RBFOX3: variants seen among roughly 807,000 people sequenced by gnomAD.
The protein encoded by RBFOX3 is RNA binding fox-1 homolog 3, also known as RNA binding protein fox-1 homolog 3.
A neutral mutation model predicts 48.7 loss-of-function variants in RBFOX3; 17 were observed. That is an observed-to-expected ratio of 0.35 (90% confidence interval 0.24 to 0.52). The LOEUF (loss-of-function observed/expected upper bound fraction) is 0.52. Among genes scored for constraint, RBFOX3 ranks in the 20% least tolerant of loss-of-function variants. RBFOX3 has a pLI of 0.94. For missense variants in RBFOX3, 382 were observed against 497.5 expected (o/e 0.77, Z 2.21); for synonymous variants, 212 against 209.5 (o/e 1.01, Z -0.10).
At chr17:79,115,241 G>C (rs888093245) in intron 5 of RBFOX3, among the ~76,000 whole-genome samples, 1 of 152,212 alleles carries the variant, frequency 6.6e-6, no homozygotes. Context: ...CTAGGTGCCC[G>C]GCCATTCCTC....
intron 4 of RBFOX3, among the ~76,000 whole-genome samples, chr17:79,200,853 A>G (rs570262089): frequency 6.6e-6 from 1 of 152,122 alleles, no homozygotes; most frequent in South Asian, 2.1e-4. Flanking sequence ...CATATCTGGG[A>G]AGCCAAGACA....
intron 4 of RBFOX3, chr17:79,135,065 G>A (rs1279652134): frequency 6.6e-6 from 1 of 152,376 alleles, no homozygotes; most frequent in Non-Finnish European, 1.5e-5. Context: ...GCACACCCAG[G>A]ATGAGGATAC....
intron 2 of RBFOX3, among the ~76,000 whole-genome samples, chr17:79,459,379 CCTCCAAGGCTGGACTTCATTTTT>C (rs1235975097): frequency 2.0e-5 from 3 of 152,182 alleles, no homozygotes; most frequent in Non-Finnish European, 4.4e-5. Context: ...CTCCACCCAC[CCTCCAAGGCTGGACTTCATTTTT>C]CTCCAAGAAG....
chr17:79,374,844 T>C (rs1448574788), intron 2 of RBFOX3, among the ~76,000 whole-genome samples: 1 of 152,216 alleles, frequency 6.6e-6, no homozygotes, highest in African/African-American at 2.4e-5. Context: ...TAAAATATGA[T>C]TTGATTGAAA....
At chr17:79,455,818 C>T (rs79441308) in intron 2 of RBFOX3, among the ~76,000 whole-genome samples, 6,039 of 152,280 alleles carry the variant, frequency 0.04, 394 homozygotes, top group African/African-American at 0.13. Flanking sequence ...GCTCCACATG[C>T]ACCCTTGACA....
At chr17:79,446,193 A>G (rs1555738222) in intron 2 of RBFOX3, among the ~76,000 whole-genome samples, 3 of 152,082 alleles carry the variant, frequency 2.0e-5, no homozygotes, top group Admixed American at 2.0e-4. Context: ...GGCCCTAGAG[A>G]TGGTCAGGAG....
At chr17:79,628,887 G>C in the RBFOX3 span, among the ~76,000 whole-genome samples, 5 of 152,190 alleles carry the variant, frequency 3.3e-5, no homozygotes, top group African/African-American at 1.2e-4. Context: ...TTGTCCCCTG[G>C]GCTTGACCAC....
At chr17:79,106,572 G>C in intron 6 of RBFOX3, 79 bp downstream of exon 6, 8 of 1,382,862 alleles carry the variant, frequency 5.8e-6, no homozygotes, top group Non-Finnish European at 7.5e-6. Flanking sequence ...GGTGTCGGCA[G>C]GAAGGCAGGG....
At chr17:79,278,086 G>T (rs1159989982) in intron 3 of RBFOX3, among the ~76,000 whole-genome samples, 1 of 152,220 alleles carries the variant, frequency 6.6e-6, no homozygotes, top group Non-Finnish European at 1.5e-5. Flanking sequence ...AGAGGTGTGT[G>T]GTGACAACAA....
chr17:79,181,480 C>T (rs1449719963), intron 4 of RBFOX3, among the ~76,000 whole-genome samples: 1 of 152,228 alleles, frequency 6.6e-6, no homozygotes, highest in Non-Finnish European at 1.5e-5. Context: ...GGGCAATGGC[C>T]ATGGCCTGGG....
At chr17:79,104,922 C>T (rs1414639730) in intron 6 of RBFOX3, among the ~76,000 whole-genome samples, 12 of 3,448 alleles carry the variant, frequency 3.5e-3, no homozygotes, top group Non-Finnish European at 0.017. Context: ...CGGTGCTGAG[C>T]AACTGTTCAG....
intron 9 of RBFOX3, among the ~76,000 whole-genome samples, chr17:79,101,026 C>CG (rs1421118844): frequency 3.3e-5 from 5 of 152,152 alleles, no homozygotes; most frequent in Non-Finnish European, 7.4e-5. Context: ...CACCTCCCCC[C>CG]GGGCCCTTCC....
chr17:79,474,289 T>A (rs2077415394), intron 2 of RBFOX3, among the ~76,000 whole-genome samples: 1 of 152,180 alleles, frequency 6.6e-6, no homozygotes, highest in African/African-American at 2.4e-5. Flanking sequence ...TTATACAGAT[T>A]CATGTGGAAC....
At chr17:79,589,656 T>C (rs1308997522) in intron 1 of RBFOX3, among the ~76,000 whole-genome samples, 2 of 152,070 alleles carry the variant, frequency 1.3e-5, no homozygotes, top group African/African-American at 4.8e-5. Flanking sequence ...GTACCAGAAA[T>C]GCACGGGGAG....
intron 2 of RBFOX3, among the ~76,000 whole-genome samples, chr17:79,434,508 A>G (rs1481447597): frequency 6.6e-6 from 1 of 152,202 alleles, no homozygotes; most frequent in African/African-American, 2.4e-5. Context: ...AAGTCCATGA[A>G]GCGAGTTGGG....
chr17:79,180,691 C>T (rs556942170), intron 4 of RBFOX3, among the ~76,000 whole-genome samples: 5 of 152,046 alleles, frequency 3.3e-5, no homozygotes, highest in East Asian at 1.9e-4. Flanking sequence ...GGTTCTGGAC[C>T]GCCCCAGCTG....
At chr17:79,183,622 G>C (rs1008585746) in intron 4 of RBFOX3, 2 of 152,366 alleles carry the variant, frequency 1.3e-5, no homozygotes, top group Non-Finnish European at 2.9e-5. Context: ...CTGTGCGCGA[G>C]AGATCGGGCG....
At chr17:79,611,071 G>C (rs1185149726), upstream of RBFOX3, among the ~76,000 whole-genome samples, 1 of 147,042 alleles carries the variant, frequency 6.8e-6, no homozygotes, top group African/African-American at 2.5e-5. Flanking sequence ...GCAGCCCCGC[G>C]CTCGCTCTTC....
intron 2 of RBFOX3, among the ~76,000 whole-genome samples, chr17:79,430,032 G>C (rs1048552944): frequency 2.0e-5 from 3 of 152,136 alleles, no homozygotes; most frequent in Non-Finnish European, 4.4e-5. Context: ...GGCGAGGTGG[G>C]GGAGCCTGGT....
Sources: gnomAD v4.1 joint callset for allele counts (sites outside exome capture counted in the v4.1 genomes callset) on GRCh38, gnomAD v4.1.1 for gene constraint, MANE v1.5 for transcripts, NCBI Gene and HGNC (gene_info 2026-07-23, HGNC 2026-07-21) for gene names.